Variants in CIMAP3 observed in about 807,000 individuals in gnomAD.
CIMAP3 encodes ciliary microtubule associated protein 3.
the CIMAP3 span, chr1:111,351,205 G>C: frequency 6.7e-6 from 6 of 902,250 alleles, no homozygotes; most frequent in Admixed American, 2.1e-5. Flanking sequence ...GGGAAGACCA[G>C]AGGCAGAGGG....
the CIMAP3 span, among the ~76,000 whole-genome samples, chr1:111,330,309 A>T: frequency 0.7 from 107,097 of 152,086 alleles, 38,272 homozygotes; most frequent in South Asian, 0.79. Context: ...CTCATCTCTG[A>T]CTGTGGGTGT....
the CIMAP3 span, chr1:111,350,102 C>T: frequency 1.2e-6 from 2 of 1,607,564 alleles, no homozygotes; most frequent in South Asian, 1.1e-5. Context: ...ATTTTTATTT[C>T]TAGCCCTGGT....
At chr1:111,338,187 A>T in the CIMAP3 span, among the ~76,000 whole-genome samples, 1 of 151,992 alleles carries the variant, frequency 6.6e-6, no homozygotes, top group East Asian at 1.9e-4. Context: ...TCTGGGACAC[A>T]TTCAAAGCAG....
the CIMAP3 span, among the ~76,000 whole-genome samples, chr1:111,334,687 A>G: frequency 2.0e-5 from 3 of 152,254 alleles, no homozygotes. Flanking sequence ...GAAATTTTAA[A>G]AAGAGATTTA....
the CIMAP3 span, among the ~76,000 whole-genome samples, chr1:111,330,786 C>A: frequency 1.3e-5 from 2 of 152,128 alleles, no homozygotes; most frequent in African/African-American, 4.8e-5. Context: ...GGCTCCACCC[C>A]AAAGAGATGC....
At chr1:111,345,336 C>CT in the CIMAP3 span, among the ~76,000 whole-genome samples, 1 of 152,130 alleles carries the variant, frequency 6.6e-6, no homozygotes, top group African/African-American at 2.4e-5. Flanking sequence ...TATTACTGGG[C>CT]TTTCTGCATT....
the CIMAP3 span, among the ~76,000 whole-genome samples, chr1:111,336,350 A>C: frequency 1.3e-5 from 2 of 152,258 alleles, no homozygotes; most frequent in African/African-American, 4.8e-5. Flanking sequence ...AGCTGGACGG[A>C]GAATGACTTT....
chr1:111,351,317 A>G, the CIMAP3 span: 10 of 1,578,218 alleles, frequency 6.3e-6, no homozygotes, highest in Non-Finnish European at 8.6e-6. Context: ...CTAAGCCTGT[A>G]TTATAATTGA....
the CIMAP3 span, chr1:111,351,166 GT>G: frequency 0.096 from 54,369 of 569,250 alleles, 2,530 homozygotes; most frequent in African/African-American, 0.27. Context: ...ATAATGTACA[GT>G]TTTTTTTTTT....
chr1:111,343,040 G>T, the CIMAP3 span, among the ~76,000 whole-genome samples: 1 of 152,152 alleles, frequency 6.6e-6, no homozygotes, highest in Non-Finnish European at 1.5e-5. Context: ...GGAACTGGAA[G>T]TCCATTCATT....
chr1:111,329,000 T>C, the CIMAP3 span, among the ~76,000 whole-genome samples: 2 of 152,228 alleles, frequency 1.3e-5, no homozygotes, highest in Non-Finnish European at 2.9e-5. Context: ...CTTTCTTTTC[T>C]ATATTTAGTG....
the CIMAP3 span, among the ~76,000 whole-genome samples, chr1:111,335,371 T>G: frequency 6.6e-6 from 1 of 152,010 alleles, no homozygotes; most frequent in African/African-American, 2.4e-5. Flanking sequence ...TGCAGCACAC[T>G]GTGCATGAGC....
chr1:111,344,043 A>AT, the CIMAP3 span, among the ~76,000 whole-genome samples: 1 of 152,020 alleles, frequency 6.6e-6, no homozygotes, highest in Non-Finnish European at 1.5e-5. Context: ...TGATATCTGG[A>AT]TTTTTCTGTG....
the CIMAP3 span, among the ~76,000 whole-genome samples, chr1:111,334,288 A>C: frequency 6.6e-6 from 1 of 152,234 alleles, no homozygotes; most frequent in Non-Finnish European, 1.5e-5. Flanking sequence ...CAGAGAGAAA[A>C]GTGGTGACAG....
chr1:111,340,371 T>G, the CIMAP3 span, among the ~76,000 whole-genome samples: 2 of 152,004 alleles, frequency 1.3e-5, no homozygotes, highest in East Asian at 1.9e-4. Context: ...CTAATTAAAC[T>G]AAAGAGCATC....
the CIMAP3 span, among the ~76,000 whole-genome samples, chr1:111,330,399 G>A: frequency 6.6e-6 from 1 of 152,136 alleles, no homozygotes. Context: ...GCTTTGTGTG[G>A]GGCCTTTATT....
the CIMAP3 span, chr1:111,346,414 C>G: frequency 1.9e-6 from 1 of 521,380 alleles, no homozygotes; most frequent in South Asian, 2.4e-5. Flanking sequence ...GCAGCCCCTA[C>G]AGCCGCGAAT....
the CIMAP3 span, among the ~76,000 whole-genome samples, chr1:111,329,019 A>T: frequency 3.3e-5 from 5 of 152,210 alleles, no homozygotes; most frequent in Non-Finnish European, 5.9e-5. Context: ...TGCTCCTCTC[A>T]GGATCTCTTG....
At chr1:111,350,051 A>AT in the CIMAP3 span, 1 of 1,418,706 alleles carries the variant, frequency 7.0e-7, no homozygotes, top group East Asian at 2.3e-5. Flanking sequence ...GTACTGATGG[A>AT]GTTTGTGTAT....
Sources: gnomAD v4.1 joint callset for allele counts (sites outside exome capture counted in the v4.1 genomes callset) on GRCh38, gnomAD v4.1.1 for gene constraint, MANE v1.5 for transcripts, NCBI Gene and HGNC (gene_info 2026-07-23, HGNC 2026-07-21) for gene names.